The following APC variants were observed in gnomAD, a reference collection of about 807,000 sequenced individuals.
APC encodes APC regulator of Wnt signaling pathway.
In APC, 72 loss-of-function variants were observed where a neutral mutation model predicts 247.0. The observed-to-expected ratio is 0.29, with a 90% CI of 0.24 to 0.35. APC has a LOEUF of 0.35. Among genes scored for constraint, APC ranks in the 10% least tolerant of loss-of-function variants. APC has a pLI of 1.00. For missense variants in APC, 3,400 were observed against 3,360.7 expected, an observed-to-expected ratio of 1.01 and a Z score of -0.29; for synonymous variants, 1,254 against 1,162.5, an observed-to-expected ratio of 1.08 and a Z score of -1.60.
At chr5:112,739,998 T>C (rs1167472347) in intron 1 of APC, among the ~76,000 whole-genome samples, 1 of 152,228 alleles carries the variant, frequency 6.6e-6, no homozygotes, top group Non-Finnish European at 1.5e-5. Flanking sequence ...AGAACTTAAG[T>C]CTTCTATTTT....
In APC at chr5:112,822,427, A is replaced by G. The variant is rs116419503; in HGVS notation, c.1408+436A>G. 7.4e-3 allele frequency among the ~76,000 whole-genome samples: 1,129 copies of G among 152,280 alleles called. 18 individuals carry two copies. Among genetic ancestry groups the G allele is most frequent in the African/African-American group, 0.025 (1,059 of 41,554 alleles). On this transcript the variant is annotated intron_variant, in intron 11 of 15. Transcript: ENST00000257430. ...ATTATTAAGATTGTCATTTATCTTC[A>G]TGGTTATTGGTACTTTACAGGATTT... is the stretch of plus-strand genomic sequence containing the variant.
At position 112,838,876 on chromosome 5, in the gene APC, A is replaced by G. The variant is rs1060503290; in HGVS notation, c.3282A>G (p.Gly1094=). ...ACCTCAAGTTCCAACCACATTTTGG[A>G]CAGCAGGAATGTGTTTCTCCATACA... is the stretch of plus-strand genomic sequence containing the variant. ...DKHLKFQPHF[G]QQECVSPYRS... Residue 1094 remains glycine (G), a synonymous_variant, in exon 16 of 16, where the codon GGA becomes GGG. Transcript: ENST00000257430. 6.2e-7 allele frequency: 1 copy of G among 1,614,162 alleles called. No individual in the cohort carries two copies. The highest frequency in any genetic ancestry group is 2.2e-5 in the East Asian group (1 of 44,882).
At chr5:112,834,260 T>A (rs1464058203) in intron 14 of APC, among the ~76,000 whole-genome samples, 56 of 124,640 alleles carry the variant, frequency 4.5e-4, no homozygotes, top group South Asian at 7.9e-4. Context: ...TTTTTTTTTT[T>A]AAAAAGAGTT....
At chr5:112,719,541 C>CT (rs550443158) in intron 1 of APC, among the ~76,000 whole-genome samples, 4,134 of 134,104 alleles carry the variant, frequency 0.031, 103 homozygotes, top group African/African-American at 0.058. Context: ...AATAATAATT[C>CT]TTTTTTTTTT....
chr5:112,773,464 G>A lies in APC; in HGVS notation c.423-2165G>A, dbSNP rs866249877. On this transcript the variant is annotated intron_variant, in intron 4 of 15. Transcript: ENST00000257430. ...AGGGATTGGCGTACCCACCCACTAC[G>A]TGCAGTCAAAAATATATATATAACT... 1.1e-4 allele frequency among the ~76,000 whole-genome samples: 17 copies of A among 152,128 alleles called. No individual in the cohort carries two copies. In the Middle Eastern group the frequency reaches 0.01, roughly 92 times the overall value.
rs1338663112 is a variant in APC at position 112,839,208 on chromosome 5, G to C, written c.3614G>C (p.Ser1205Thr). 1 of 1,614,162 alleles carries C rather than the reference G, an allele frequency of 6.2e-7. No homozygotes were observed. The highest frequency in any genetic ancestry group is 8.5e-7 in the Non-Finnish European group (1 of 1,180,026). The stretch of plus-strand genomic sequence containing the variant: ...TTCTCAAAGAGTTCATCTGGACAAA[G>C]CAGTAAAACCGAACATATGTCTTCA... ...FSFSKSSSGQ[S>T]SKTEHMSSSS... Residue 1205 changes from serine to threonine, a missense_variant, in exon 16 of 16, where the codon AGC becomes ACC. By Grantham distance (58) the Ser-to-Thr change is moderately conservative. Transcript: ENST00000257430. The surrounding 1 kb of genome is among the most constrained non-coding windows in gnomAD (Gnocchi z 5.0).
intron 1 of APC, among the ~76,000 whole-genome samples, chr5:112,715,116 AAT>A (rs1442633021): frequency 6.6e-6 from 1 of 152,230 alleles, no homozygotes; most frequent in Non-Finnish European, 1.5e-5. Context: ...CAGTTGTTAT[AAT>A]AGAGTATGAA....
chr5:112,714,824 A>C (rs1031541382), intron 1 of APC, among the ~76,000 whole-genome samples: 1 of 152,054 alleles, frequency 6.6e-6, no homozygotes, highest in Non-Finnish European at 1.5e-5. Context: ...GCATTACTCT[A>C]CCTTGTCTTA....
At position 112,815,492 on chromosome 5, in the gene APC, T is replaced by C. The variant is rs372090940; in HGVS notation, c.835-3T>C. 68 of 1,608,934 alleles carry C rather than the reference T, an allele frequency of 4.2e-5. No individual in the cohort carries two copies. The highest frequency in any genetic ancestry group is 5.7e-5 in the Non-Finnish European group (67 of 1,176,246). On this transcript the variant is annotated splice_region_variant and splice_polypyrimidine_tract_variant and intron_variant, in intron 8 of 15. Transcript: ENST00000257430. Reference sequence around the variant, plus strand: ...TACCATCTATAATGTGCTTAATTTTTAGGGTTCAACTACACGAATGGACCA... The same window carrying C: ...TACCATCTATAATGTGCTTAATTTTCAGGGTTCAACTACACGAATGGACCA...
chr5:112,729,300 A>G (rs945659882), intron 1 of APC, among the ~76,000 whole-genome samples: 1 of 152,220 alleles, frequency 6.6e-6, no homozygotes, highest in Non-Finnish European at 1.5e-5. Flanking sequence ...AAATAAATAC[A>G]TAGATAGAGC....
chr5:112,757,819 A>G (rs930815119), intron 2 of APC, among the ~76,000 whole-genome samples: 2 of 152,258 alleles, frequency 1.3e-5, no homozygotes, highest in Non-Finnish European at 2.9e-5. Flanking sequence ...ATTTGATTAT[A>G]TGTGTCTTTG....
chr5:112,839,972 G>C lies in APC; in HGVS notation c.4378G>C (p.Ala1460Pro), dbSNP rs1353405049. The change falls in exon 16 of 16, where the codon GCT becomes CCT. Residue 1460 changes from alanine to proline, a missense_variant. Coordinates refer to ENST00000257430, the MANE Select transcript of APC (RefSeq NM_000038.6). This position sits in a 1 kb window ranked among gnomAD's most constrained non-coding sequence, Gnocchi z 5.0. ...AGTACCTAAAAATAAAGCACCTACT[G>C]CTGAAAAGAGAGAGAGTGGACCTAA... The part of the protein sequence containing the change: ...REVPKNKAPT[A>P]EKRESGPKQA... 1.2e-6 allele frequency: 2 copies of C among 1,614,092 alleles called. No homozygotes were observed. The highest frequency in any genetic ancestry group is 1.7e-6 in the Non-Finnish European group (2 of 1,180,012).
At chr5:112,785,441 A>G (rs1411257712) in intron 6 of APC, among the ~76,000 whole-genome samples, 1 of 152,200 alleles carries the variant, frequency 6.6e-6, no homozygotes, top group Admixed American at 6.5e-5. Flanking sequence ...AGTAACTAGA[A>G]AAAGCCTGCA....
At chr5:112,746,167 TG>T (rs1753653790) in intron 1 of APC, among the ~76,000 whole-genome samples, 1 of 152,090 alleles carries the variant, frequency 6.6e-6, no homozygotes, top group Non-Finnish European at 1.5e-5. Flanking sequence ...GAACTATTAA[TG>T]AATAAAATTA....
intron 4 of APC, among the ~76,000 whole-genome samples, chr5:112,768,377 G>T (rs932720598): frequency 4.0e-5 from 6 of 148,174 alleles, no homozygotes; most frequent in Non-Finnish European, 9.0e-5. Flanking sequence ...AAAAAAAAAA[G>T]AAAAAAAGTA....
At chr5:112,835,289 A>C (rs1764762966) in intron 15 of APC, 124 bp downstream of exon 15, 1 of 841,932 alleles carries the variant, frequency 1.2e-6, no homozygotes. Context: ...TTACTGTGAA[A>C]AGATAACTAC....
At position 112,732,328 on chromosome 5, in the gene APC, A is replaced by T. The variant is rs148840568; in HGVS notation, c.165+24446A>T. Among the ~76,000 whole-genome samples the T allele has an allele frequency of 8.9e-4, 136 of 152,250 alleles. 2 individuals are homozygous for T. In the East Asian group the frequency reaches 0.022, roughly 24 times the overall value. ...TGGCAGCACATACCAAAGCTTGGGC[A>T]CTACCCACAGATTCTTTCTTGGTGT... is the stretch of plus-strand genomic sequence containing the variant. On this transcript the variant is annotated intron_variant, in intron 1 of 13. Transcript: ENST00000507379.
intron 5 of APC, among the ~76,000 whole-genome samples, chr5:112,780,496 C>G (rs1758201276): frequency 6.6e-6 from 1 of 152,090 alleles, no homozygotes. Context: ...TGAATTTAAC[C>G]TCACTCTAAC....
At chr5:112,739,875 C>G (rs543381075) in intron 1 of APC, among the ~76,000 whole-genome samples, 2 of 152,250 alleles carry the variant, frequency 1.3e-5, no homozygotes, top group Non-Finnish European at 2.9e-5. Context: ...ACATAAATTA[C>G]CTTTTACCAT....
Sources: allele counts gnomAD v4.1 joint callset (sites outside exome capture counted in the v4.1 genomes callset), GRCh38; gene constraint gnomAD v4.1.1; non-coding constraint Gnocchi (gnomAD v3.1); transcripts MANE v1.5; gene names NCBI Gene and HGNC (gene_info 2026-07-23, HGNC 2026-07-21).